The following SOD2 variants were observed in gnomAD, a reference collection of about 807,000 sequenced individuals.
The protein encoded by SOD2 is superoxide dismutase [Mn], mitochondrial.
A neutral mutation model predicts 27.0 loss-of-function variants in SOD2; 11 were observed. That is an observed-to-expected ratio of 0.41 (90% CI 0.26 to 0.67). The LOEUF is 0.67. Ranked by LOEUF, SOD2 falls within the 30% of genes least tolerant of loss-of-function variation. The pLI is 0.34. For missense variants in SOD2, 250 were observed against 274.5 expected (o/e 0.91, Z 0.63); for synonymous variants, 105 against 103.0 (o/e 1.02, Z -0.12).
At chr6:159,727,048 T>G (rs991655083) in intron 1 of SOD2, 132 of 1,220,176 alleles carry the variant, frequency 1.1e-4, no homozygotes, top group Middle Eastern at 3.5e-4. Flanking sequence ...CGGCGAGTAC[T>G]TCCACCTTCC....
At chr6:159,753,883 AG>A (rs1200072747) in intron 1 of SOD2, among the ~76,000 whole-genome samples, 1 of 152,172 alleles carries the variant, frequency 6.6e-6, no homozygotes, top group African/African-American at 2.4e-5. Context: ...AAAAGATAAA[AG>A]GGTGTTGTAT....
chr6:159,761,703 A>T (rs55741530), exon 1 of SOD2: 21,387 of 370,216 alleles, frequency 0.058, 1,047 homozygotes, highest in African/African-American at 0.16. Context: ...AAGATTTTTT[A>T]AAAAAAAGCC....
At chr6:159,697,474 G>A (rs367570225), upstream of SOD2, among the ~76,000 whole-genome samples, 1 of 152,148 alleles carries the variant, frequency 6.6e-6, no homozygotes, top group Admixed American at 6.5e-5. Context: ...TTCAATGTGA[G>A]CTTAATTTTT....
intron 1 of SOD2, among the ~76,000 whole-genome samples, chr6:159,760,095 ATGC>A (rs1308184139): frequency 1.3e-5 from 2 of 152,232 alleles, no homozygotes; most frequent in East Asian, 1.9e-4. Flanking sequence ...TAGGGGTAAG[ATGC>A]TGCACCAAAT....
At chr6:159,707,602 C>A (rs1173433371) in intron 1 of SOD2, among the ~76,000 whole-genome samples, 2 of 152,110 alleles carry the variant, frequency 1.3e-5, no homozygotes, top group Non-Finnish European at 2.9e-5. Flanking sequence ...CAATAACAGG[C>A]TCTGAAATTG....
chr6:159,734,110 G>A (rs1778757557), intron 1 of SOD2, among the ~76,000 whole-genome samples: 2 of 152,192 alleles, frequency 1.3e-5, no homozygotes, highest in Non-Finnish European at 2.9e-5. Context: ...GCTGTTGGAA[G>A]ATTATCTCCT....
In SOD2 at chr6:159,669,474, TGG is replaced by T. The variant is rs1444985810; in HGVS notation, c.*13017_*13018del. 4 of 152,184 alleles carry T rather than the reference TGG, an allele frequency of 2.6e-5. No homozygotes were observed. The allele number at this position is 152,184 out of a possible 1,614,324, so 9.4% of individuals were successfully genotyped here. On this transcript the variant is annotated 3_prime_UTR_variant, in exon 5 of 5. Coordinates refer to ENST00000538183, the MANE Select transcript of SOD2 (RefSeq NM_000636.4). ...AATCTAATAATATTTGCTTTATATC[TGG>T]GTCATCCAGTGTGGGGTACATATAT...
intron 1 of SOD2, among the ~76,000 whole-genome samples, chr6:159,712,208 A>C (rs181621084): frequency 0.022 from 2,276 of 105,114 alleles, 267 homozygotes; most frequent in African/African-American, 0.07. Flanking sequence ...TCTGATCACC[A>C]TAACCACCTC....
chr6:159,754,993 C>G (rs757133605), intron 1 of SOD2: 1 of 1,546,412 alleles, frequency 6.5e-7, no homozygotes, highest in Admixed American at 2.0e-5. Context: ...ATGTTATAAA[C>G]GATATTAAAG....
chr6:159,733,753 A>T (rs1778733445), intron 1 of SOD2, among the ~76,000 whole-genome samples: 1 of 152,070 alleles, frequency 6.6e-6, no homozygotes, highest in Non-Finnish European at 1.5e-5. Flanking sequence ...GTCTCTACTA[A>T]AAATACAAGG....
intron 1 of SOD2, chr6:159,755,740 T>TTTTTC: frequency 8.3e-7 from 1 of 1,197,814 alleles, no homozygotes; most frequent in Admixed American, 3.9e-5. Flanking sequence ...TTTGTTGTTT[T>TTTTTC]TTTTCTTTGT....
chr6:159,739,403 C>A (rs555417362), intron 1 of SOD2, among the ~76,000 whole-genome samples: 1 of 152,230 alleles, frequency 6.6e-6, no homozygotes, highest in Admixed American at 6.5e-5. Flanking sequence ...ATTAGTGTGA[C>A]CTTCACCAGC....
upstream of SOD2, among the ~76,000 whole-genome samples, chr6:159,696,026 A>G (rs557850323): frequency 1.2e-4 from 18 of 152,318 alleles, no homozygotes; most frequent in Admixed American, 1.1e-3. Flanking sequence ...GAAGCAACCA[A>G]TGTGGGTTGA....
intron 1 of SOD2, among the ~76,000 whole-genome samples, chr6:159,699,235 G>C (rs929922266): frequency 1.3e-5 from 2 of 152,108 alleles, no homozygotes; most frequent in African/African-American, 4.8e-5. Context: ...ACACGACTCT[G>C]GTCATCACTC....
upstream of SOD2, chr6:159,727,734 G>C: frequency 2.0e-6 from 2 of 985,466 alleles, no homozygotes; most frequent in South Asian, 9.4e-5. Context: ...GGGAGCGGAC[G>C]CGGGGGACCT....
chr6:159,705,295 A>G (rs1777602188), intron 1 of SOD2, among the ~76,000 whole-genome samples: 2 of 152,258 alleles, frequency 1.3e-5, no homozygotes, highest in Non-Finnish European at 2.9e-5. Flanking sequence ...AGTTGAGAGA[A>G]GAAGGCTTCA....
chr6:159,692,624 C>A, intron 2 of SOD2, 37 bp downstream of exon 2: 1 of 1,608,970 alleles, frequency 6.2e-7, no homozygotes, highest in Non-Finnish European at 8.5e-7. Flanking sequence ...GTCGCCTCTG[C>A]CGGGGACTGC....
upstream of SOD2, among the ~76,000 whole-genome samples, chr6:159,694,774 T>TC (rs1211169756): frequency 6.6e-6 from 1 of 150,836 alleles, no homozygotes; most frequent in African/African-American, 2.4e-5. Flanking sequence ...TTTTTTTTTT[T>TC]TGTATTTTTG....
At chr6:159,758,635 A>G (rs553944405) in intron 1 of SOD2, among the ~76,000 whole-genome samples, 2 of 152,146 alleles carry the variant, frequency 1.3e-5, no homozygotes, top group Non-Finnish European at 2.9e-5. Flanking sequence ...ATCCCAGGTA[A>G]TGTCATTAAC....
Sources: gnomAD v4.1 joint callset for allele counts (sites outside exome capture counted in the v4.1 genomes callset) on GRCh38, gnomAD v4.1.1 for gene constraint, MANE v1.5 for transcripts, NCBI Gene and HGNC (gene_info 2026-07-23, HGNC 2026-07-21) for gene names.